SLC44A5: variants seen among roughly 807,000 people sequenced by gnomAD.
SLC44A5 encodes choline transporter-like protein 5.
SLC44A5 carries 57 observed loss-of-function variants against 101.8 expected under a neutral mutation model. That is an observed-to-expected ratio of 0.56 (90% CI 0.45 to 0.70). The LOEUF is 0.70. Ranked by LOEUF, SLC44A5 falls within the 30% of genes least tolerant of loss-of-function variation. The pLI is 0.00. For synonymous variants in SLC44A5, 281 were observed against 290.9 expected, an observed-to-expected ratio of 0.97 and a Z score of 0.35; for missense variants, 737 against 853.1, an observed-to-expected ratio of 0.86 and a Z score of 1.70.
At chr1:75,721,283 C>T in the SLC44A5 span, among the ~76,000 whole-genome samples, 1 of 152,194 alleles carries the variant, frequency 6.6e-6, no homozygotes, top group Non-Finnish European at 1.5e-5. Context: ...TTACAGCAAG[C>T]TTGTCCAACC....
At position 75,462,887 on chromosome 1, in the gene SLC44A5, G is replaced by A. The variant is rs141083706; in HGVS notation, c.14-66266C>T. Among the ~76,000 whole-genome samples, 8 of 152,122 alleles carry A rather than the reference G, an allele frequency of 5.3e-5. No individual in the cohort carries two copies. The East Asian group carries it at 1.4e-3, about 26-fold the overall frequency. Reference sequence around the variant, plus strand: ...TTTTAAAAAAATGAAGCACACCTGCGATATCTAGAAAATAGCTTCAAGAGG... The same window carrying A: ...TTTTAAAAAAATGAAGCACACCTGCAATATCTAGAAAATAGCTTCAAGAGG... On this transcript the variant is annotated intron_variant, in intron 2 of 23. Coordinates refer to ENST00000370859, the MANE Select transcript of SLC44A5 (RefSeq NM_001130058.2).
intron 2 of SLC44A5, among the ~76,000 whole-genome samples, chr1:75,486,255 A>T (rs1467499101): frequency 2.0e-5 from 3 of 152,232 alleles, no homozygotes; most frequent in Admixed American, 2.0e-4. Context: ...TGATATAGAC[A>T]AGAAAATTAT....
chr1:75,310,206 T>C (rs1655194066), intron 4 of SLC44A5, among the ~76,000 whole-genome samples: 1 of 152,208 alleles, frequency 6.6e-6, no homozygotes, highest in Non-Finnish European at 1.5e-5. Flanking sequence ...AGGAATTTAT[T>C]TGTTAAATAC....
chr1:75,226,182 T>C (rs1237772237), intron 13 of SLC44A5, among the ~76,000 whole-genome samples: 2 of 152,082 alleles, frequency 1.3e-5, no homozygotes, highest in East Asian at 3.9e-4. Context: ...CAGAGAAGGA[T>C]ATTAGTCTGC....
chr1:75,686,562 T>A, the SLC44A5 span, among the ~76,000 whole-genome samples: 4 of 152,082 alleles, frequency 2.6e-5, no homozygotes, highest in Non-Finnish European at 5.9e-5. Context: ...GTCAAAGAGG[T>A]AAGAAGGAGT....
At chr1:75,211,894 C>T (rs1282018713) in intron 22 of SLC44A5, among the ~76,000 whole-genome samples, 5 of 145,606 alleles carry the variant, frequency 3.4e-5, no homozygotes, top group African/African-American at 1.0e-4. Context: ...TCCTTCCTTT[C>T]TCTCTCTCTC....
At chr1:75,567,332 T>C (rs1672842072) in intron 1 of SLC44A5, among the ~76,000 whole-genome samples, 1 of 152,202 alleles carries the variant, frequency 6.6e-6, no homozygotes, top group Non-Finnish European at 1.5e-5. Context: ...CATTAGAACC[T>C]TTTGCATAAT....
chr1:75,403,901 C>T (rs1246133300), intron 2 of SLC44A5, among the ~76,000 whole-genome samples: 5 of 152,040 alleles, frequency 3.3e-5, no homozygotes, highest in East Asian at 1.9e-4. Context: ...CAAACTCCTC[C>T]GAGCTAAAGC....
chr1:75,397,235 C>T lies in SLC44A5; in HGVS notation c.14-614G>A, dbSNP rs182492024. Among the ~76,000 whole-genome samples, 5 of 152,178 alleles carry T rather than the reference C, an allele frequency of 3.3e-5. No individual in the cohort carries two copies. The East Asian group carries it at 5.8e-4, about 18-fold the overall frequency. On this transcript the variant is annotated intron_variant, in intron 2 of 23. Coordinates refer to ENST00000370859, the MANE Select transcript of SLC44A5 (RefSeq NM_001130058.2). ...AATTTTGGGGAATGGGGAGGTGGCA[C>T]GTGCCATAATGAACAATAACAGCAT...
At chr1:75,388,758 A>G (rs4949849) in intron 3 of SLC44A5, among the ~76,000 whole-genome samples, 95,265 of 150,742 alleles carry the variant, frequency 0.63, 31,785 homozygotes, top group East Asian at 0.96. Flanking sequence ...CAGCCTGGGC[A>G]ACAGAGCGAG....
chr1:75,504,949 T>C (rs1669164978), intron 2 of SLC44A5, among the ~76,000 whole-genome samples: 2 of 152,150 alleles, frequency 1.3e-5, no homozygotes, highest in African/African-American at 2.4e-5. Context: ...ATCATCCAAA[T>C]AGTGAGCACA....
At chr1:75,213,868 C>A (rs764568860) in intron 21 of SLC44A5, 51 bp downstream of exon 21, 129 of 1,527,600 alleles carry the variant, frequency 8.4e-5, no homozygotes, top group Non-Finnish European at 9.8e-5. Context: ...AGCAGTTTTT[C>A]CAAGCATCTT....
At chr1:75,320,825 G>T (rs1656083481) in intron 4 of SLC44A5, among the ~76,000 whole-genome samples, 1 of 152,122 alleles carries the variant, frequency 6.6e-6, no homozygotes, top group African/African-American at 2.4e-5. Flanking sequence ...CTTTTCAAAT[G>T]CACTGAAAGA....
the SLC44A5 span, among the ~76,000 whole-genome samples, chr1:75,666,691 T>A: frequency 1.3e-5 from 2 of 152,048 alleles, no homozygotes; most frequent in African/African-American, 4.8e-5. Context: ...AAATCCTCAA[T>A]AAAATACTGG....
chr1:75,463,579 T>A (rs1025756874), intron 2 of SLC44A5, among the ~76,000 whole-genome samples: 1 of 151,552 alleles, frequency 6.6e-6, no homozygotes, highest in Non-Finnish European at 1.5e-5. Flanking sequence ...AAGGAAAAAA[T>A]TTTTACCCTA....
chr1:75,456,252 G>A (rs530101481), intron 2 of SLC44A5, among the ~76,000 whole-genome samples: 16 of 152,138 alleles, frequency 1.1e-4, no homozygotes, highest in Admixed American at 8.5e-4. Flanking sequence ...ATTAACACAC[G>A]AACAGAAAAC....
intron 23 of SLC44A5, among the ~76,000 whole-genome samples, chr1:75,210,856 T>C (rs1268816742): frequency 6.6e-6 from 1 of 152,238 alleles, no homozygotes; most frequent in Non-Finnish European, 1.5e-5. Flanking sequence ...CTCTAAGCCT[T>C]GTTGAGGTAT....
intron 6 of SLC44A5, among the ~76,000 whole-genome samples, chr1:75,257,270 T>G (rs1009766459): frequency 2.0e-5 from 3 of 152,186 alleles, no homozygotes; most frequent in Non-Finnish European, 4.4e-5. Context: ...AATTGAAAAC[T>G]AAGTTGCTAT....
chr1:75,356,920 C>T (rs775022407), intron 3 of SLC44A5, among the ~76,000 whole-genome samples: 2 of 152,146 alleles, frequency 1.3e-5, no homozygotes, highest in Non-Finnish European at 2.9e-5. Flanking sequence ...GTAGATTATA[C>T]CATATGGCCT....
Sources: allele counts gnomAD v4.1 joint callset (sites outside exome capture counted in the v4.1 genomes callset), GRCh38; gene constraint gnomAD v4.1.1; transcripts MANE v1.5; gene names NCBI Gene and HGNC (gene_info 2026-07-23, HGNC 2026-07-21).